The following RHOF variants were observed in gnomAD, a reference collection of about 807,000 sequenced individuals.
RHOF encodes rho-related GTP-binding protein RhoF.
Under a neutral mutation model 22.2 loss-of-function variants are expected in RHOF, and 21 were observed. The ratio of observed to expected loss-of-function variants is 0.95; its 90% confidence interval spans 0.67 to 1.36. The LOEUF is 1.36. Among genes scored for constraint, RHOF ranks in the 40% most tolerant of loss-of-function variants. RHOF has a pLI of 0.00. For synonymous variants in RHOF, 135 were observed against 131.2 expected (o/e 1.03, Z -0.20); for missense variants, 285 against 293.7 (o/e 0.97, Z 0.22).
rs763518586 is a variant in RHOF at position 121,780,800 on chromosome 12, C to G, written c.471+72G>C. ...TCCCTGAAAGGCCACTAAGGCACCC[C>G]AGTTGCAGAGGCCAAAGGTCCGGGA... is the stretch of plus-strand genomic sequence containing the variant. On this transcript the variant is annotated intron_variant, in intron 4 of 4. Transcript: ENST00000267205. 3 of 1,521,240 alleles carry G rather than the reference C, an allele frequency of 2.0e-6. No homozygotes were observed. In the East Asian group the frequency reaches 6.8e-5, roughly 34 times the overall value. 94.2% of individuals were successfully genotyped at this position (1,521,240 alleles called of 1,614,324 possible). A position where few individuals can be genotyped will look rare whatever the true frequency, so the allele number is the denominator to read the frequency against.
intron 2 of RHOF, among the ~76,000 whole-genome samples, chr12:121,788,701 A>C (rs530008144): frequency 2.0e-5 from 3 of 152,088 alleles, no homozygotes; most frequent in African/African-American, 7.2e-5. Flanking sequence ...CTTATCTGGG[A>C]GAGGGGGTGA....
chr12:121,782,324 C>CTTTA (rs1874490998), intron 2 of RHOF: 1 of 152,220 alleles, frequency 6.6e-6, no homozygotes, highest in Non-Finnish European at 1.5e-5. Flanking sequence ...CAATATTGTC[C>CTTTA]TTTATTTTTT....
intron 1 of RHOF, 100 bp from the exon 2 acceptor site, chr12:121,793,339 C>A (rs1024081959): frequency 2.6e-5 from 37 of 1,427,332 alleles, no homozygotes; most frequent in Middle Eastern, 1.9e-4. Context: ...CCGGATCAGC[C>A]CCCCCTCACC....
At position 121,781,101 on chromosome 12, in the gene RHOF, G is replaced by A. The variant is rs748431923; in HGVS notation, c.318C>T (p.Tyr106=). The part of the protein sequence containing the change: ...ICYDVMNPTS[Y]DNVLIKWFPE... ...GCCTCACCTTGATGAGGACGTTGTCGTAGCTGGTGGGATTCATGACGTCAT... is the reference window on the plus strand; with the variant it reads ...GCCTCACCTTGATGAGGACGTTGTCATAGCTGGTGGGATTCATGACGTCAT... The change falls in exon 3 of 5, where the codon TAC becomes TAT. Residue 106 remains tyrosine, a synonymous_variant. Coordinates refer to ENST00000267205, the MANE Select transcript of RHOF (RefSeq NM_019034.3). 31 of 1,614,124 alleles carry A rather than the reference G, an allele frequency of 1.9e-5. No homozygotes were observed. Among genetic ancestry groups the A allele is most frequent in the Admixed American group, 1.2e-4 (7 of 60,006 alleles).
chr12:121,783,773 G>A (rs894815253), intron 2 of RHOF, among the ~76,000 whole-genome samples: 1 of 152,078 alleles, frequency 6.6e-6, no homozygotes, highest in South Asian at 2.1e-4. Flanking sequence ...TGAAATTTTT[G>A]TATTTTTTAA....
intron 1 of RHOF, 70 bp downstream of exon 1, chr12:121,793,426 A>C (rs1353036756): frequency 6.6e-7 from 1 of 1,520,380 alleles, no homozygotes; most frequent in African/African-American, 1.4e-5. Flanking sequence ...CTGGGGACTG[A>C]GGGTCGGGGC....
intron 2 of RHOF, among the ~76,000 whole-genome samples, chr12:121,790,533 C>A (rs1045226422): frequency 6.6e-6 from 1 of 152,250 alleles, no homozygotes; most frequent in Non-Finnish European, 1.5e-5. Flanking sequence ...CCAGGCCTTG[C>A]TCCATGACAA....
At position 121,779,400 on chromosome 12, in the gene RHOF, A is replaced by G; in HGVS notation, c.*98T>C. ...AGTCTAGCCGCAGGCCCCAGACACCATGAGCTGGAGGGTCGGGATGGGGCA... is the reference window on the plus strand; with the variant it reads ...AGTCTAGCCGCAGGCCCCAGACACCGTGAGCTGGAGGGTCGGGATGGGGCA... On this transcript the variant is annotated 3_prime_UTR_variant, in exon 5 of 5. Coordinates refer to ENST00000267205, the MANE Select transcript of RHOF (RefSeq NM_019034.3). 7.5e-7 allele frequency: 1 copy of G among 1,325,032 alleles called. No individual in the cohort carries two copies. The highest frequency in any genetic ancestry group is 1.0e-6 in the Non-Finnish European group (1 of 962,524). The allele number at this position is 1,325,032 out of a possible 1,614,324, so 82.1% of individuals were successfully genotyped here.
At chr12:121,792,966 CACTTACGT>C (rs1362716338) in intron 2 of RHOF, among the ~76,000 whole-genome samples, 178 bp downstream of exon 2, 1 of 152,248 alleles carries the variant, frequency 6.6e-6, no homozygotes, top group Non-Finnish European at 1.5e-5. Context: ...AAACACCTTC[CACTTACGT>C]ATAGGGCTTG....
Position 121,778,449 on chromosome 12 carries a change from C to G in RHOF, c.*1049G>C, listed in dbSNP as rs1376744703. Reference sequence around the variant, plus strand: ...CTGAGTGACAGAATGAGACTCTGTCCCAAAAAAAAAAAAAAAAAAAAATTC... The same window carrying G: ...CTGAGTGACAGAATGAGACTCTGTCGCAAAAAAAAAAAAAAAAAAAAATTC... On this transcript the variant is annotated 3_prime_UTR_variant, in exon 5 of 5. Coordinates refer to ENST00000267205, the MANE Select transcript of RHOF (RefSeq NM_019034.3). 9.2e-6 allele frequency: 1 copy of G among 108,232 alleles called. No homozygotes were observed. The highest frequency in any genetic ancestry group is 3.1e-4 in the East Asian group (1 of 3,198). The allele number at this position is 108,232 out of a possible 1,614,324, so 6.7% of individuals were successfully genotyped here. A position where few individuals can be genotyped will look rare whatever the true frequency, so the allele number is the denominator to read the frequency against.
rs540884798 is a variant in RHOF at position 121,792,410 on chromosome 12, G to A, written c.226+742C>T. Among the ~76,000 whole-genome samples the A allele has an allele frequency of 4.5e-4, 69 of 152,266 alleles. 2 individuals carry two copies. Among genetic ancestry groups the A allele is most frequent in the Non-Finnish European group, 1.6e-4 (11 of 68,010 alleles). On this transcript the variant is annotated intron_variant, in intron 2 of 4. Coordinates refer to ENST00000267205, the MANE Select transcript of RHOF (RefSeq NM_019034.3). Reference sequence around the variant, plus strand: ...TCCTGTCCCCACCCCTCACAACACCGACTCCCAAGCAATTGCACATAAATC... The same window carrying A: ...TCCTGTCCCCACCCCTCACAACACCAACTCCCAAGCAATTGCACATAAATC...
chr12:121,781,960 T>C (rs1275058179), intron 2 of RHOF: 1 of 152,236 alleles, frequency 6.6e-6, no homozygotes, highest in East Asian at 1.9e-4. Context: ...GATCTAGGCT[T>C]GAGCTTGGTT....
intron 2 of RHOF, 69 bp downstream of exon 2, chr12:121,793,083 G>T: frequency 7.4e-7 from 1 of 1,351,670 alleles, no homozygotes; most frequent in Non-Finnish European, 1.0e-6. Context: ...ACCCAGTGGG[G>T]GACGCCCGGG....
In RHOF at chr12:121,793,597, G is replaced by A; in HGVS notation, c.37C>T (p.Pro13Ser). Residue 13 changes from proline (P) to serine (S), a missense_variant, in exon 1 of 5, where the codon CCC becomes TCC. Coordinates refer to ENST00000267205, the MANE Select transcript of RHOF (RefSeq NM_019034.3). ...APGALAQTAA[P>S]GPGRKELKIV... ...TTCAGCTCCTTCCTGCCCGGACCGGGGGCGGCGGTCTGGGCCAGGGCCCCG... is the reference window on the plus strand; with the variant it reads ...TTCAGCTCCTTCCTGCCCGGACCGGAGGCGGCGGTCTGGGCCAGGGCCCCG... 6.4e-7 allele frequency: 1 copy of A among 1,551,902 alleles called. No homozygotes were observed. The highest frequency in any genetic ancestry group is 2.4e-5 in the East Asian group (1 of 42,064).
chr12:121,787,622 C>A (rs993069329), intron 2 of RHOF, among the ~76,000 whole-genome samples: 5 of 149,846 alleles, frequency 3.3e-5, no homozygotes, highest in Admixed American at 6.6e-5. Flanking sequence ...ATGGTCTAGA[C>A]CGGGCGCTGT....
chr12:121,781,394 C>T (rs976623090), intron 2 of RHOF: 5 of 555,250 alleles, frequency 9.0e-6, no homozygotes, highest in Non-Finnish European at 1.6e-5. Flanking sequence ...TCGCTTGAGC[C>T]CAGGAGGTCA....
chr12:121,793,096 G>A lies in RHOF; in HGVS notation c.226+56C>T. The A allele has an allele frequency of 1.4e-6, 2 of 1,462,768 alleles. 1 individual carries two copies. The highest frequency in any genetic ancestry group is 2.4e-5 in the South Asian group (2 of 82,248). The allele number at this position is 1,462,768 out of a possible 1,614,324, so 90.6% of individuals were successfully genotyped here. On this transcript the variant is annotated intron_variant, in intron 2 of 4. Coordinates refer to ENST00000267205, the MANE Select transcript of RHOF (RefSeq NM_019034.3). ...ACACCCAGTGGGGGACGCCCGGGAG[G>A]GGAAACCCTTCGGGCGGGCGGACCC...
chr12:121,781,058 C>T (rs1874435722), intron 3 of RHOF, 25 bp downstream of exon 3: 1 of 1,613,710 alleles, frequency 6.2e-7, no homozygotes, highest in Non-Finnish European at 8.5e-7. Context: ...AGATGTGGGG[C>T]CACCACCCAG....
chr12:121,784,750 C>T (rs370634024), intron 2 of RHOF, among the ~76,000 whole-genome samples: 18 of 152,260 alleles, frequency 1.2e-4, no homozygotes, highest in East Asian at 9.6e-4. Flanking sequence ...TACACACTAA[C>T]GTGCTATTTT....
Sources: gnomAD v4.1 joint callset for allele counts (sites outside exome capture counted in the v4.1 genomes callset) on GRCh38, gnomAD v4.1.1 for gene constraint, MANE v1.5 for transcripts, NCBI Gene and HGNC (gene_info 2026-07-23, HGNC 2026-07-21) for gene names.